Variants in AHR observed in about 807,000 individuals in gnomAD.
The protein encoded by AHR is aryl hydrocarbon receptor.
In AHR, 40 loss-of-function variants were observed where a neutral mutation model predicts 86.8. The ratio of observed to expected loss-of-function variants is 0.46; its 90% CI spans 0.36 to 0.60. The LOEUF (loss-of-function observed/expected upper bound fraction) is 0.60, where lower values mean the gene tolerates loss of function less well. AHR is among the 20% of genes least tolerant of loss of function. The pLI, the probability that AHR is intolerant of heterozygous loss-of-function variation, is 0.00. For missense variants in AHR, 1,001 were observed against 1,011.6 expected (o/e 0.99, Z 0.14); for synonymous variants, 398 against 354.9 (o/e 1.12, Z -1.37).
At chr7:17,311,706 T>G (rs2115353861) in intron 2 of AHR, among the ~76,000 whole-genome samples, 1 of 152,270 alleles carries the variant, frequency 6.6e-6, no homozygotes, top group South Asian at 2.1e-4. Context: ...AAAAAGTGTT[T>G]GAATTTTCAG....
rs530446977 is a variant in AHR, at chr7:17,343,815, T to G, written c.*751T>G. On this transcript the variant is annotated 3_prime_UTR_variant, in exon 11 of 11. Transcript: ENST00000242057. ...GGGCAAATAATGATCGAAAAAATAA[T>G]TATTTATTACATAATTTAGTTGTTT... 17 of 152,750 alleles carry G rather than the reference T, an allele frequency of 1.1e-4. No individual in the cohort carries two copies. In the South Asian group the frequency reaches 3.1e-3, roughly 28 times the overall value. 9.5% of individuals were successfully genotyped at this position (152,750 alleles called of 1,614,324 possible). A position where few individuals can be genotyped will look rare whatever the true frequency, so the allele number is the denominator to read the frequency against.
chr7:17,311,227 G>T (rs1230551595), intron 2 of AHR, among the ~76,000 whole-genome samples: 1 of 152,120 alleles, frequency 6.6e-6, no homozygotes, highest in Non-Finnish European at 1.5e-5. Context: ...ACTAACCATA[G>T]CAAGTTAATG....
At chr7:17,303,353 T>A (rs1193132323) in intron 1 of AHR, among the ~76,000 whole-genome samples, 2 of 152,106 alleles carry the variant, frequency 1.3e-5, no homozygotes, top group African/African-American at 4.8e-5. Context: ...CTTACTGACT[T>A]GTGTTCGTAC....
intron 2 of AHR, among the ~76,000 whole-genome samples, chr7:17,319,785 A>C (rs1464014562): frequency 2.6e-5 from 4 of 152,240 alleles, no homozygotes; most frequent in South Asian, 4.1e-4. Context: ...AGAGCAAGAA[A>C]TAGAAGAAAA....
intron 1 of AHR, among the ~76,000 whole-genome samples, chr7:17,302,022 T>C (rs1467802703): frequency 6.6e-6 from 1 of 152,064 alleles, no homozygotes; most frequent in Non-Finnish European, 1.5e-5. Flanking sequence ...TTATTTATTT[T>C]GTCTCATGAA....
chr7:17,338,858 A>C, intron 9 of AHR, 128 bp from the exon 10 acceptor site: 1 of 937,246 alleles, frequency 1.1e-6, no homozygotes, highest in Non-Finnish European at 1.5e-6. Flanking sequence ...TTGAGGTGAA[A>C]ATAAAATATG....
Position 17,330,742 on chromosome 7 carries a change from C to A in AHR, c.575-14C>A. ...AAATGGAAAGTAAATTTTGTTTTGC[C>A]TTTATTTCTACAGAAGCCACTGGTC... On this transcript the variant is annotated splice_polypyrimidine_tract_variant and intron_variant, in intron 5 of 10. Coordinates refer to ENST00000242057, the MANE Select transcript of AHR (RefSeq NM_001621.5). The A allele has an allele frequency of 1.3e-6, 2 of 1,534,442 alleles. No individual in the cohort carries two copies. Among genetic ancestry groups the A allele is most frequent in the Non-Finnish European group, 1.8e-6 (2 of 1,137,194 alleles).
chr7:17,300,532 A>G (rs1442598272), intron 1 of AHR, among the ~76,000 whole-genome samples: 8 of 152,180 alleles, frequency 5.3e-5, no homozygotes, highest in African/African-American at 7.2e-5. Context: ...GTTCTTCAGA[A>G]GTATACTTAT....
chr7:17,315,373 C>A (rs1209925366), intron 2 of AHR, among the ~76,000 whole-genome samples: 1 of 151,944 alleles, frequency 6.6e-6, no homozygotes, highest in East Asian at 1.9e-4. Context: ...TTTTGAAGAA[C>A]ACAGTGACAA....
rs1481076187 is a variant in AHR, at chr7:17,305,790, A to AT, written c.66-4140dup. ...TTATATTTATGAGTAAACTTGGTTA[A>AT]TTTTTTCAGCTTTGCTTCAAACACT... On this transcript the variant is annotated intron_variant, in intron 1 of 10. Coordinates refer to ENST00000242057, the MANE Select transcript of AHR (RefSeq NM_001621.5). Among the ~76,000 whole-genome samples, 13 of 152,280 alleles carry AT rather than the reference A, an allele frequency of 8.5e-5. 1 individual carries two copies. In the East Asian group the frequency reaches 2.5e-3, roughly 29 times the overall value.
At position 17,335,680 on chromosome 7, in the gene AHR, C is replaced by T. The variant is rs369460923; in HGVS notation, c.1054C>T (p.Arg352Trp). ...TGGAGAAAGTGGCATGATAGTTTTC[C>T]GGCTTCTTACAAAAAACAACCGATG... ...KTGESGMIVFRLLTKNNRWTW... is the reference protein window; with the variant it reads ...KTGESGMIVFWLLTKNNRWTW... The change falls in exon 9 of 11, where the codon CGG (arginine) becomes TGG (tryptophan). Residue 352 changes from arginine to tryptophan, a missense_variant. Arg to Trp is a moderately radical substitution (Grantham distance 101). Coordinates refer to ENST00000242057, the MANE Select transcript of AHR (RefSeq NM_001621.5). 2.8e-5 allele frequency: 45 copies of T among 1,590,682 alleles called. No individual in the cohort carries two copies. The highest frequency in any genetic ancestry group is 3.4e-5 in the Non-Finnish European group (40 of 1,166,824).
At chr7:17,334,201 G>A in intron 7 of AHR, 87 bp downstream of exon 7, 1 of 1,177,760 alleles carries the variant, frequency 8.5e-7, no homozygotes, top group Non-Finnish European at 1.2e-6. Context: ...TACAGTGTAT[G>A]TAATATTGTT....
intron 2 of AHR, among the ~76,000 whole-genome samples, chr7:17,313,025 T>C (rs961253684): frequency 2.6e-5 from 4 of 152,204 alleles, no homozygotes; most frequent in African/African-American, 9.6e-5. Context: ...TAAAGAAGTC[T>C]ATGAATATTT....
At chr7:17,309,868 T>C (rs1782044013) in intron 1 of AHR, 68 bp from the exon 2 acceptor site, 7 of 1,309,978 alleles carry the variant, frequency 5.3e-6, no homozygotes, top group East Asian at 2.5e-5. Flanking sequence ...GGAGATGTTA[T>C]AATGCAATAG....
intron 3 of AHR, among the ~76,000 whole-genome samples, chr7:17,325,714 G>A (rs1378147472): frequency 6.6e-6 from 1 of 152,096 alleles, no homozygotes; most frequent in Non-Finnish European, 1.5e-5. Flanking sequence ...AATACCACAT[G>A]TTCTCCCTTA....
chr7:17,311,429 C>T (rs1782062896), intron 2 of AHR, among the ~76,000 whole-genome samples: 1 of 152,112 alleles, frequency 6.6e-6, no homozygotes, highest in African/African-American at 2.4e-5. Flanking sequence ...GCCTAGACAA[C>T]ACGTTTATGG....
chr7:17,327,751 C>T lies in AHR; in HGVS notation c.361-8C>T. 6.5e-7 allele frequency: 1 copy of T among 1,528,698 alleles called. No individual in the cohort carries two copies. Among genetic ancestry groups the T allele is most frequent in the Admixed American group, 1.8e-5 (1 of 56,552 alleles). 94.7% of individuals were successfully genotyped at this position (1,528,698 alleles called of 1,614,324 possible). ...TATTACTAATTTTAGAACTTCCTTTCCTTGTAGGCTCTGAATGGCTTTGTA... is the reference window on the plus strand; with the variant it reads ...TATTACTAATTTTAGAACTTCCTTTTCTTGTAGGCTCTGAATGGCTTTGTA... On this transcript the variant is annotated splice_region_variant and splice_polypyrimidine_tract_variant and intron_variant, in intron 3 of 10. Coordinates refer to ENST00000242057, the MANE Select transcript of AHR (RefSeq NM_001621.5).
At chr7:17,337,511 G>A (rs1261487904) in intron 9 of AHR, among the ~76,000 whole-genome samples, 1 of 135,384 alleles carries the variant, frequency 7.4e-6, no homozygotes, top group Non-Finnish European at 1.5e-5. Context: ...GTCTCGCTCT[G>A]TCGCCCAGGC....
chr7:17,337,199 A>C (rs780769490), intron 9 of AHR, among the ~76,000 whole-genome samples: 2 of 152,098 alleles, frequency 1.3e-5, no homozygotes, highest in Non-Finnish European at 2.9e-5. Context: ...TTGTAGTCAG[A>C]AAATATTCTC....
Sources: allele counts gnomAD v4.1 joint callset (sites outside exome capture counted in the v4.1 genomes callset), GRCh38; gene constraint gnomAD v4.1.1; transcripts MANE v1.5; gene names NCBI Gene and HGNC (gene_info 2026-07-23, HGNC 2026-07-21).